The following GPHN variants were observed in gnomAD, a reference collection of about 807,000 sequenced individuals.
The protein encoded by GPHN is gephyrin.
A neutral mutation model predicts 95.5 loss-of-function variants in GPHN; 17 were observed. The observed-to-expected ratio is 0.18, with a 90% CI of 0.12 to 0.27. The LOEUF is 0.27. Among genes scored for constraint, GPHN ranks in the 10% least tolerant of loss-of-function variants. The probability of loss-of-function intolerance (pLI) is 1.00; values close to 1 mark genes in which losing one functional copy is unlikely to be tolerated. For missense variants in GPHN, 660 were observed against 978.1 expected (o/e 0.67, Z 4.34); for synonymous variants, 320 against 322.5 (o/e 0.99, Z 0.08).
chr14:67,063,236 G>A (rs2075896073), intron 11 of GPHN, among the ~76,000 whole-genome samples: 1 of 152,174 alleles, frequency 6.6e-6, no homozygotes, highest in Admixed American at 6.5e-5. Flanking sequence ...AAGATCAGAT[G>A]GTTGTAGATG....
intron 1 of GPHN, among the ~76,000 whole-genome samples, chr14:66,585,496 G>T (rs2061383533): frequency 6.6e-6 from 1 of 152,048 alleles, no homozygotes; most frequent in African/African-American, 2.4e-5. Context: ...GTCAATTTTA[G>T]ATCTTTCCTG....
chr14:67,154,029 C>T (rs534980075), intron 18 of GPHN, among the ~76,000 whole-genome samples: 1 of 152,330 alleles, frequency 6.6e-6, no homozygotes, highest in East Asian at 1.9e-4. Flanking sequence ...CACTTTCATT[C>T]ATTTAGCAAA....
the GPHN span, among the ~76,000 whole-genome samples, chr14:67,346,383 C>T: frequency 6.6e-6 from 1 of 152,268 alleles, no homozygotes; most frequent in Non-Finnish European, 1.5e-5. Flanking sequence ...GCGATCTCAG[C>T]TCACTGTAAG....
intron 6 of GPHN, among the ~76,000 whole-genome samples, chr14:66,916,909 T>G (rs1177527409): frequency 6.6e-6 from 1 of 152,166 alleles, no homozygotes; most frequent in Non-Finnish European, 1.5e-5. Flanking sequence ...ACTATGGTAT[T>G]TATGTGACAG....
At chr14:67,400,126 C>A in the GPHN span, among the ~76,000 whole-genome samples, 1 of 152,334 alleles carries the variant, frequency 6.6e-6, no homozygotes, top group Admixed American at 6.5e-5. Flanking sequence ...TAGAAGGAAT[C>A]GTCTGCACCA....
At chr14:67,459,116 CTG>C in the GPHN span, among the ~76,000 whole-genome samples, 1 of 152,018 alleles carries the variant, frequency 6.6e-6, no homozygotes, top group Non-Finnish European at 1.5e-5. Flanking sequence ...TCTGGAACTC[CTG>C]ACCCCATGAT....
chr14:66,991,071 T>C (rs1313664638), intron 9 of GPHN, among the ~76,000 whole-genome samples: 1 of 152,070 alleles, frequency 6.6e-6, no homozygotes, highest in Non-Finnish European at 1.5e-5. Context: ...TACAATGTTT[T>C]GAATAATGTT....
the GPHN span, among the ~76,000 whole-genome samples, chr14:67,458,537 T>C: frequency 6.6e-6 from 1 of 152,096 alleles, no homozygotes; most frequent in Non-Finnish European, 1.5e-5. Context: ...CTGATACTAG[T>C]CAAAAGCCTG....
chr14:67,395,751 G>C, the GPHN span, among the ~76,000 whole-genome samples: 2 of 152,218 alleles, frequency 1.3e-5, no homozygotes, highest in Non-Finnish European at 2.9e-5. Flanking sequence ...GACACCTCCA[G>C]TGACAGGAAG....
At chr14:67,178,661 T>G (rs1441987498) in intron 21 of GPHN, among the ~76,000 whole-genome samples, 1 of 152,082 alleles carries the variant, frequency 6.6e-6, no homozygotes, top group East Asian at 1.9e-4. Context: ...GATAGGAAAT[T>G]TATTTAATGA....
At chr14:67,112,366 G>A (rs541691703) in intron 15 of GPHN, among the ~76,000 whole-genome samples, 2 of 152,306 alleles carry the variant, frequency 1.3e-5, no homozygotes, top group South Asian at 4.1e-4. Context: ...TATTTGCTAT[G>A]ATAAATAGTG....
chr14:67,582,297 C>T, the GPHN span: 1 of 1,596,838 alleles, frequency 6.3e-7, no homozygotes, highest in Non-Finnish European at 8.5e-7. The surrounding 1 kb of genome is among the most constrained non-coding windows in gnomAD (Gnocchi z 5.0). Context: ...AGAGATTCTG[C>T]AGATCCTGTG....
the GPHN span, among the ~76,000 whole-genome samples, chr14:67,433,538 A>G: frequency 1.5e-4 from 23 of 152,342 alleles, no homozygotes; most frequent in African/African-American, 4.6e-4. Context: ...AAAATGGAAT[A>G]TAAAGACAAA....
At chr14:66,814,308 C>T (rs548544882) in intron 3 of GPHN, among the ~76,000 whole-genome samples, 193 of 152,322 alleles carry the variant, frequency 1.3e-3, no homozygotes, top group Non-Finnish European at 2.1e-3. Flanking sequence ...ACACCACCTC[C>T]AGTGCAACAG....
chr14:66,917,255 G>A (rs1462062984), intron 6 of GPHN, among the ~76,000 whole-genome samples: 9 of 152,218 alleles, frequency 5.9e-5, no homozygotes, highest in East Asian at 1.9e-4. Flanking sequence ...ATACTGGCAC[G>A]TTCTTAGAGT....
chr14:67,292,704 A>G, the GPHN span: 3 of 1,613,472 alleles, frequency 1.9e-6, no homozygotes, highest in Non-Finnish European at 2.5e-6. Context: ...CCAACGCACA[A>G]GATCTTGCTC....
chr14:67,685,237 C>T, the GPHN span: 4 of 1,579,368 alleles, frequency 2.5e-6, no homozygotes, highest in Non-Finnish European at 3.4e-6. Context: ...GAGGGTAAGA[C>T]AGGACTTGAT....
At chr14:67,637,498 C>T in the GPHN span, among the ~76,000 whole-genome samples, 3 of 151,418 alleles carry the variant, frequency 2.0e-5, no homozygotes, top group African/African-American at 7.3e-5. Context: ...AGCCTCCTCA[C>T]TCCTCTTAAA....
chr14:66,655,144 A>G (rs1458820894), intron 1 of GPHN, among the ~76,000 whole-genome samples: 2 of 152,180 alleles, frequency 1.3e-5, no homozygotes, highest in Non-Finnish European at 2.9e-5. Context: ...TTGTCTATGT[A>G]TACTAAAAAT....
Sources: allele counts gnomAD v4.1 joint callset (sites outside exome capture counted in the v4.1 genomes callset), GRCh38; gene constraint gnomAD v4.1.1; non-coding constraint Gnocchi (gnomAD v3.1); transcripts MANE v1.5; gene names NCBI Gene and HGNC (gene_info 2026-07-23, HGNC 2026-07-21).